The following INTS7 variants were observed in gnomAD, a reference collection of about 807,000 sequenced individuals.
INTS7 encodes integrator complex subunit 7.
Under a neutral mutation model 109.2 loss-of-function variants are expected in INTS7, and 46 were observed. The observed-to-expected ratio is 0.42, with a 90% CI of 0.33 to 0.54. The LOEUF is 0.54. Ranked by LOEUF, INTS7 falls within the 20% of genes least tolerant of loss-of-function variation. The pLI is 0.07. For missense variants in INTS7, 929 were observed against 1,132.4 expected (o/e 0.82, Z 2.58); for synonymous variants, 412 against 402.9 (o/e 1.02, Z -0.27).
rs1662869446 is a variant in INTS7 at position 211,946,835 on chromosome 1, G to C, written c.2317-130C>G. On this transcript the variant is annotated intron_variant, in intron 17 of 19. Transcript: ENST00000366994. This position sits in a 1 kb window ranked among gnomAD's most constrained non-coding sequence, Gnocchi z 4.3. ...AAGGTACATACCAATCAAGAACTAG[G>C]CATCACATCCAGGAACTGTGCATAC... 1.8e-6 allele frequency: 1 copy of C among 563,162 alleles called. No individual in the cohort carries two copies. Among genetic ancestry groups the C allele is most frequent in the Admixed American group, 3.2e-5 (1 of 30,914 alleles). The allele number at this position is 563,162 out of a possible 1,614,324, so 34.9% of individuals were successfully genotyped here.
intron 7 of INTS7, among the ~76,000 whole-genome samples, chr1:211,992,409 A>G (rs914182122): frequency 4.6e-5 from 7 of 152,208 alleles, no homozygotes; most frequent in African/African-American, 1.7e-4. Flanking sequence ...AATTATTTAC[A>G]ATGTTATATT....
chr1:211,998,677 TAAAC>T (rs746635500), intron 7 of INTS7, among the ~76,000 whole-genome samples: 1 of 143,974 alleles, frequency 6.9e-6, no homozygotes, highest in Non-Finnish European at 1.6e-5. Flanking sequence ...AAAACATTAA[TAAAC>T]TAGATAGATT....
intron 18 of INTS7, among the ~76,000 whole-genome samples, chr1:211,945,966 G>C (rs970850887): frequency 6.6e-6 from 1 of 152,124 alleles, no homozygotes; most frequent in Non-Finnish European, 1.5e-5. Context: ...CTATAAGTTG[G>C]GTCTGAATAG....
intron 6 of INTS7, 34 bp from the exon 7 acceptor site, chr1:212,006,795 C>T (rs781336086): frequency 3.9e-6 from 6 of 1,533,964 alleles, no homozygotes; most frequent in South Asian, 2.5e-5. Context: ...ATAAACAATA[C>T]TGTAACTGAA....
chr1:211,951,022 T>C (rs1005375674), intron 17 of INTS7, among the ~76,000 whole-genome samples: 1 of 152,218 alleles, frequency 6.6e-6, no homozygotes, highest in Non-Finnish European at 1.5e-5. Context: ...CTATTGACAA[T>C]TTTACATGGA....
chr1:211,991,859 T>C (rs1431831742), intron 7 of INTS7, among the ~76,000 whole-genome samples: 1 of 152,152 alleles, frequency 6.6e-6, no homozygotes, highest in Non-Finnish European at 1.5e-5. Context: ...TTAGGTAGTG[T>C]TATGAATGAG....
intron 5 of INTS7, among the ~76,000 whole-genome samples, chr1:212,008,557 G>C (rs375934791): frequency 5.9e-5 from 9 of 151,968 alleles, no homozygotes; most frequent in Non-Finnish European, 1.3e-4. Flanking sequence ...TTCCATTATC[G>C]GCTAAATGTG....
chr1:212,007,112 A>C, intron 6 of INTS7, 138 bp downstream of exon 6: 1 of 678,642 alleles, frequency 1.5e-6, no homozygotes, highest in Non-Finnish European at 2.5e-6. Flanking sequence ...AAAGCAAGCA[A>C]AAGCAAATTA....
chr1:212,004,408 A>C (rs982525011), intron 7 of INTS7, among the ~76,000 whole-genome samples: 5 of 152,216 alleles, frequency 3.3e-5, no homozygotes, highest in Non-Finnish European at 7.3e-5. Flanking sequence ...AAAGATATAT[A>C]AAGATTGAAA....
At chr1:211,993,307 T>A (rs1235746575) in intron 7 of INTS7, among the ~76,000 whole-genome samples, 2 of 152,144 alleles carry the variant, frequency 1.3e-5, no homozygotes, top group African/African-American at 2.4e-5. Flanking sequence ...AAAATAAAAT[T>A]TACATCTTTG....
In INTS7 at chr1:211,946,748, A is replaced by G. The variant is rs749739849; in HGVS notation, c.2317-43T>C. ...CTAAATCAAATAAAAATAAATTTTC[A>G]AATTTCATCAACAAGTGGTACATTC... On this transcript the variant is annotated intron_variant, in intron 17 of 19. Transcript: ENST00000366994. This position sits in a 1 kb window ranked among gnomAD's most constrained non-coding sequence, Gnocchi z 4.3. The G allele has an allele frequency of 2.0e-5, 28 of 1,384,402 alleles. No individual in the cohort carries two copies. The highest frequency in any genetic ancestry group is 1.0e-6 in the Non-Finnish European group (1 of 982,894). 85.8% of individuals were successfully genotyped at this position (1,384,402 alleles called of 1,614,324 possible).
rs139996998 is a variant in INTS7, at chr1:211,978,296, G to A, written c.1446C>T (p.Ala482=). The stretch of plus-strand genomic sequence containing the variant: ...CCAGAAGTTCTTGTTGCTTGTCTGT[G>A]GCTGATCGTCCAATCACCTTGTACA... ...MELYKVIGRS[A]TDKQQELLVS... is the part of the protein sequence containing the mutation. Residue 482 remains alanine (A), a synonymous_variant, in exon 11 of 20, where the codon GCC becomes GCT. Transcript: ENST00000366994. 1 of 1,614,128 alleles carries A rather than the reference G, an allele frequency of 6.2e-7. No homozygotes were observed. Among genetic ancestry groups the A allele is most frequent in the Non-Finnish European group, 8.5e-7 (1 of 1,180,004 alleles).
At chr1:211,965,618 T>A (rs1215968968) in intron 16 of INTS7, among the ~76,000 whole-genome samples, 1 of 151,390 alleles carries the variant, frequency 6.6e-6, no homozygotes, top group Non-Finnish European at 1.5e-5. Context: ...TACGCAGCCA[T>A]AAAAAAGAAG....
intron 17 of INTS7, among the ~76,000 whole-genome samples, chr1:211,952,265 C>T (rs965465080): frequency 3.9e-5 from 6 of 152,092 alleles, no homozygotes; most frequent in African/African-American, 7.2e-5. Context: ...GTGTAGCCTG[C>T]GTTGAGAATT....
chr1:212,011,486 AAGAAATAAAACACAATTAGCGC>A, intron 4 of INTS7, 65 bp from the exon 5 acceptor site: 1 of 1,026,740 alleles, frequency 9.7e-7, no homozygotes, highest in South Asian at 1.4e-5. Flanking sequence ...AAGGACTTAA[AAGAAATAAAACACAATTAGCGC>A]AGAAGAAATA....
In INTS7 at chr1:212,020,808, A is replaced by G. The variant is rs145460499; in HGVS notation, c.224+275T>C. On this transcript the variant is annotated intron_variant, in intron 2 of 19. Transcript: ENST00000366994. ...GAAACTTCTCAAAAACAATCTGTAC[A>G]AAGACACAGATTTTCCTGAAGTACA... 2,426 of 854,662 alleles carry G rather than the reference A, an allele frequency of 2.8e-3. 11 individuals are homozygous for G. Among genetic ancestry groups the G allele is most frequent in the Non-Finnish European group, 3.1e-3 (2,063 of 676,294 alleles). 52.9% of individuals were successfully genotyped at this position (854,662 alleles called of 1,614,324 possible).
intron 1 of INTS7, among the ~76,000 whole-genome samples, chr1:212,034,876 T>G: frequency 6.6e-6 from 1 of 152,170 alleles, no homozygotes; most frequent in Non-Finnish European, 1.5e-5. Flanking sequence ...TTTTTTATGG[T>G]CTTGGCCAGG....
intron 1 of INTS7, among the ~76,000 whole-genome samples, chr1:212,032,287 C>T (rs544884826): frequency 1.2e-4 from 18 of 152,238 alleles, no homozygotes; most frequent in African/African-American, 4.1e-4. Context: ...TCATTGGTCT[C>T]CCTACTTGGG....
chr1:212,027,916 C>G (rs1162937288), intron 1 of INTS7, among the ~76,000 whole-genome samples: 1 of 152,034 alleles, frequency 6.6e-6, no homozygotes, highest in Non-Finnish European at 1.5e-5. Context: ...AACCTCCGCC[C>G]CCCGGGTTCA....
Sources: allele counts gnomAD v4.1 joint callset (sites outside exome capture counted in the v4.1 genomes callset), GRCh38; gene constraint gnomAD v4.1.1; non-coding constraint Gnocchi (gnomAD v3.1); transcripts MANE v1.5; gene names NCBI Gene and HGNC (gene_info 2026-07-23, HGNC 2026-07-21).